GKN2: variants seen among roughly 807,000 people sequenced by gnomAD.
GKN2 encodes the protein gastrokine-2.
Under a neutral mutation model 22.7 loss-of-function variants are expected in GKN2, and 17 were observed. The ratio of observed to expected loss-of-function variants is 0.75; its 90% CI spans 0.51 to 1.13. The LOEUF (loss-of-function observed/expected upper bound fraction) is 1.13, where lower values mean the gene tolerates loss of function less well. Ranked by LOEUF, GKN2 falls within the 50% of genes most tolerant of loss-of-function variation. GKN2 has a pLI of 0.00. For missense variants in GKN2, 248 were observed against 221.4 expected, an observed-to-expected ratio of 1.12 and a Z score of -0.76; for synonymous variants, 82 against 79.6, an observed-to-expected ratio of 1.03 and a Z score of -0.16.
chr2:68,950,341 C>T (rs1036800232), intron 2 of GKN2, 78 bp from the exon 3 acceptor site: 91 of 1,385,020 alleles, frequency 6.6e-5, no homozygotes, highest in Non-Finnish European at 8.9e-5. Context: ...CAAAATAAAG[C>T]AGCTGCCTGC....
At position 68,945,441 on chromosome 2, in the gene GKN2, C is replaced by G. The variant is rs765486498; in HGVS notation, c.482G>C (p.Gly161Ala). 2.5e-6 allele frequency: 4 copies of G among 1,607,684 alleles called. No individual in the cohort carries two copies. ...CCCAGCCTTTGCACAGCCTCCAGCA[C>G]CGACATTATCTGGAAAAGGGAAAAT... The part of the protein sequence containing the change: ...GEVVENTHNV[G>A]AGGCAKAGLL... Residue 161 changes from glycine (G) to alanine (A), a missense_variant, in exon 6 of 6, where the codon GGT becomes GCT. Gly to Ala is a moderately conservative substitution (Grantham distance 60). Coordinates refer to ENST00000328895, the MANE Select transcript of GKN2 (RefSeq NM_182536.3).
At chr2:68,949,430 A>ATT (rs1669822012) in intron 3 of GKN2, among the ~76,000 whole-genome samples, 1 of 151,504 alleles carries the variant, frequency 6.6e-6, no homozygotes, top group East Asian at 1.9e-4. Context: ...TTATTTATTT[A>ATT]TTTTTTTGAG....
intron 4 of GKN2, 74 bp downstream of exon 4, chr2:68,947,073 C>A: frequency 1.1e-6 from 1 of 889,154 alleles, no homozygotes; most frequent in South Asian, 1.3e-5. Context: ...CTCCCTCACA[C>A]TCTTCATTTC....
At chr2:68,947,772 T>A (rs76828547) in intron 3 of GKN2, among the ~76,000 whole-genome samples, 2 of 152,070 alleles carry the variant, frequency 1.3e-5, no homozygotes, top group East Asian at 3.9e-4. Context: ...TTATGTTTAG[T>A]AGAGATGGAG....
At chr2:68,947,874 G>A (rs963805476) in intron 3 of GKN2, among the ~76,000 whole-genome samples, 2 of 152,138 alleles carry the variant, frequency 1.3e-5, no homozygotes, top group African/African-American at 4.8e-5. Context: ...AGAGGTGTAA[G>A]CTACTGCATC....
rs781697278 is a variant in GKN2, at chr2:68,950,226, T to C, written c.104A>G (p.Asn35Ser). Residue 35 changes from asparagine (N) to serine (S), a missense_variant, in exon 3 of 6, where the codon AAT (asparagine) becomes AGT (serine). Transcript: ENST00000328895. ...NIISPSNNGG[N>S]VQETVTIDNE... ...ATCAATTGTCACTGTCTCCTGAACA[T>C]TGCCACCATTGTTGCTTGGGCTGAT... 6.8e-6 allele frequency: 11 copies of C among 1,613,458 alleles called. No homozygotes were observed. The highest frequency in any genetic ancestry group is 2.7e-5 in the African/African-American group (2 of 74,930).
Position 68,952,853 on chromosome 2 carries a change from T to C in GKN2, c.9A>G (p.Ile3Met), listed in dbSNP as rs763288253. The change falls in exon 1 of 6, where the codon ATA (isoleucine) becomes ATG (methionine). Residue 3 changes from isoleucine to methionine, a missense_variant. Transcript: ENST00000328895. MK[I>M]LVAFLVVLTI... is the part of the protein sequence containing the mutation. The stretch of plus-strand genomic sequence containing the variant: ...AGAAGCAGAAACAAATACTCACAAG[T>C]ATTTTCATTTTGCCTGGGAGAGGAA... The C allele has an allele frequency of 6.2e-7, 1 of 1,613,974 alleles. No homozygotes were observed.
chr2:68,949,855 C>T (rs933271155), intron 3 of GKN2, among the ~76,000 whole-genome samples: 3 of 152,156 alleles, frequency 2.0e-5, no homozygotes, highest in Admixed American at 2.0e-4. Flanking sequence ...CTTTCTGAGC[C>T]TGTAGTGGGA....
intron 1 of GKN2, among the ~76,000 whole-genome samples, chr2:68,951,387 T>G (rs1669852371): frequency 6.6e-6 from 1 of 152,214 alleles, no homozygotes; most frequent in Non-Finnish European, 1.5e-5. Flanking sequence ...GGTCGTGAGC[T>G]GACATTGAAG....
chr2:68,947,326 C>G (rs1669785319), intron 3 of GKN2, 69 bp from the exon 4 acceptor site: 2 of 978,974 alleles, frequency 2.0e-6, no homozygotes, highest in African/African-American at 1.6e-5. Context: ...GAAGATGATG[C>G]CTGAACCTCG....
chr2:68,945,439 C>G lies in GKN2; in HGVS notation c.484G>C (p.Ala162Pro), dbSNP rs759993781. The G allele has an allele frequency of 6.2e-7, 1 of 1,608,672 alleles. No homozygotes were observed. Among genetic ancestry groups the G allele is most frequent in the South Asian group, 1.1e-5 (1 of 89,816 alleles). Residue 162 changes from alanine (A) to proline (P), a missense_variant, in exon 6 of 6, where the codon GCT (alanine) becomes CCT (proline). Ala to Pro is a conservative substitution (Grantham distance 27, BLOSUM62 -1). Transcript: ENST00000328895. ...AGCCCAGCCTTTGCACAGCCTCCAG[C>G]ACCGACATTATCTGGAAAAGGGAAA... ...EVVENTHNVG[A>P]GGCAKAGLLG...
At position 68,947,175 on chromosome 2, in the gene GKN2, T is replaced by A. The variant is rs374611185; in HGVS notation, c.287A>T (p.Asn96Ile). The A allele has an allele frequency of 4.3e-6, 7 of 1,612,666 alleles. No individual in the cohort carries two copies. The African/African-American group carries it at 9.4e-5, about 22-fold the overall frequency. The change falls in exon 4 of 6, where the codon AAT becomes ATT. Residue 96 changes from asparagine to isoleucine, a missense_variant. By Grantham distance (149) the Asn-to-Ile change is moderately radical (BLOSUM62 -3). Coordinates refer to ENST00000328895, the MANE Select transcript of GKN2 (RefSeq NM_182536.3). ...MDHQNIPPLN[N>I]LQWYIYEKQA... ...TTTCTCATAGATGTACCATTGGAGA[T>A]TGTTCAGAGGAGGGATGTTCTGATG...
chr2:68,952,791 T>C (rs1365377776), intron 1 of GKN2, 59 bp downstream of exon 1: 3 of 1,581,054 alleles, frequency 1.9e-6, no homozygotes, highest in African/African-American at 1.3e-5. Flanking sequence ...ATATTAGATA[T>C]GAGCATTGTC....
Position 68,945,415 on chromosome 2 carries a change from G to A in GKN2, c.508C>T (p.Leu170Phe), listed in dbSNP as rs1669750511. 1 of 1,611,592 alleles carries A rather than the reference G, an allele frequency of 6.2e-7. No homozygotes were observed. The highest frequency in any genetic ancestry group is 8.5e-7 in the Non-Finnish European group (1 of 1,178,366). ...ATTGAAATTCCCAAGATGCCCAGGA[G>A]CCCAGCCTTTGCACAGCCTCCAGCA... is the stretch of plus-strand genomic sequence containing the variant. ...VGAGGCAKAG[L>F]LGILGISICA... The change falls in exon 6 of 6, where the codon CTC becomes TTC. Residue 170 changes from leucine (L) to phenylalanine (F), a missense_variant. Coordinates refer to ENST00000328895, the MANE Select transcript of GKN2 (RefSeq NM_182536.3).
intron 3 of GKN2, among the ~76,000 whole-genome samples, chr2:68,949,150 C>G (rs1669817974): frequency 6.6e-6 from 1 of 152,084 alleles, no homozygotes; most frequent in South Asian, 2.1e-4. Flanking sequence ...GTTCATAATT[C>G]GTTGGTGGAA....
chr2:68,945,443 G>T lies in GKN2; in HGVS notation c.480C>A (p.Val160=). 6.2e-7 allele frequency: 1 copy of T among 1,606,606 alleles called. No homozygotes were observed. The highest frequency in any genetic ancestry group is 1.1e-5 in the South Asian group (1 of 89,420). The part of the protein sequence containing the change: ...KGEVVENTHN[V]GAGGCAKAGL... ...CAGCCTTTGCACAGCCTCCAGCACC[G>T]ACATTATCTGGAAAAGGGAAAATTT... The change falls in exon 6 of 6, where the codon GTC becomes GTA. Residue 160 remains valine, a synonymous_variant. Transcript: ENST00000328895.
chr2:68,950,407 T>C (rs1669838901), intron 2 of GKN2, 144 bp from the exon 3 acceptor site: 1 of 758,050 alleles, frequency 1.3e-6, no homozygotes, highest in Admixed American at 3.0e-5. Context: ...TCCAAAAACT[T>C]ATGATGCCAT....
rs74428556 is a variant in GKN2, at chr2:68,948,522, A to T, written c.205-1265T>A. Among the ~76,000 whole-genome samples the T allele has an allele frequency of 9.4e-3, 1,438 of 152,244 alleles. 15 individuals carry two copies. Among genetic ancestry groups the T allele is most frequent in the African/African-American group, 0.032 (1,328 of 41,544 alleles). ...ACTCATGCACGCTCACACACGTCTC[A>T]TCTATCCTCCCCTCATTTGCCATCT... is the stretch of plus-strand genomic sequence containing the variant. On this transcript the variant is annotated intron_variant, in intron 3 of 5. Transcript: ENST00000328895.
rs769116084 is a variant in GKN2 at position 68,946,366 on chromosome 2, G to A, written c.410C>T (p.Ser137Leu). Residue 137 changes from serine (S) to leucine (L), a missense_variant, in exon 5 of 6, where the codon TCA becomes TTA. Transcript: ENST00000328895. ...ATGTTTGCAGAGTTTCTCAATGGGT[G>A]ACCCAAGCAGGAACCAATCCACGTC... ...IKDVDWFLLG[S>L]PIEKLCKHIP... The A allele has an allele frequency of 1.2e-6, 2 of 1,614,014 alleles. No individual in the cohort carries two copies. The highest frequency in any genetic ancestry group is 1.7e-6 in the Non-Finnish European group (2 of 1,179,972).
Sources: gnomAD v4.1 joint callset for allele counts (sites outside exome capture counted in the v4.1 genomes callset) on GRCh38, gnomAD v4.1.1 for gene constraint, MANE v1.5 for transcripts, NCBI Gene and HGNC (gene_info 2026-07-23, HGNC 2026-07-21) for gene names.